Variants in COL21A1 observed in about 807,000 individuals in gnomAD.
COL21A1 encodes the protein collagen type XXI alpha 1 chain, also known as collagen alpha-1(XXI) chain.
A neutral mutation model predicts 137.9 loss-of-function variants in COL21A1; 149 were observed. That is an observed-to-expected ratio of 1.08 (90% CI 0.95 to 1.24). COL21A1 has a LOEUF of 1.24. COL21A1 is among the 50% of genes most tolerant of loss of function. COL21A1 has a pLI of 0.00. For missense variants in COL21A1, 1,167 were observed against 1,158.4 expected, an observed-to-expected ratio of 1.01 and a Z score of -0.11; for synonymous variants, 456 against 391.5, an observed-to-expected ratio of 1.16 and a Z score of -1.95.
intron 16 of COL21A1, among the ~76,000 whole-genome samples, chr6:56,118,438 A>G (rs1201333447): frequency 6.6e-6 from 1 of 152,080 alleles, no homozygotes; most frequent in Non-Finnish European, 1.5e-5. Context: ...AAACTGTCAT[A>G]AAAAGTCTTC....
rs560293663 is a variant in COL21A1 at position 56,061,607 on chromosome 6, G to C, written c.2205+42C>G. ...TATTGAAACCCAAGCAAAAAGGACC[G>C]AAGAAAGAGAGCAAGAGAGCATAAT... On this transcript the variant is annotated intron_variant, in intron 25 of 29. Transcript: ENST00000244728. The C allele has an allele frequency of 4.8e-6, 7 of 1,461,356 alleles. No homozygotes were observed. The South Asian group carries it at 8.6e-5, about 18-fold the overall frequency. The allele number at this position is 1,461,356 out of a possible 1,614,324, so 90.5% of individuals were successfully genotyped here.
intron 1 of COL21A1, among the ~76,000 whole-genome samples, chr6:56,237,671 T>A (rs1781996103): frequency 6.6e-6 from 1 of 152,120 alleles, no homozygotes. Flanking sequence ...ATGTCATAAG[T>A]CTGGCCAAAA....
At chr6:56,164,935 A>T in intron 7 of COL21A1, 113 bp from the exon 8 acceptor site, 2 of 753,268 alleles carry the variant, frequency 2.7e-6, no homozygotes, top group South Asian at 4.7e-5. Context: ...AAGTATGAAA[A>T]CCAACAAAAA....
intron 1 of COL21A1, among the ~76,000 whole-genome samples, chr6:56,325,913 T>G (rs1582784117): frequency 1.9e-5 from 1 of 52,630 alleles, no homozygotes; most frequent in African/African-American, 1.1e-4. Context: ...TTACATAATA[T>G]ATATTATATA....
intron 12 of COL21A1, among the ~76,000 whole-genome samples, chr6:56,139,483 A>G (rs1774252458): frequency 7.9e-6 from 1 of 127,388 alleles, no homozygotes; most frequent in South Asian, 2.8e-4. Context: ...ACACTTGTGC[A>G]CACACACTTG....
At chr6:56,264,603 C>G (rs1299208016) in intron 1 of COL21A1, among the ~76,000 whole-genome samples, 2 of 152,136 alleles carry the variant, frequency 1.3e-5, no homozygotes, top group Non-Finnish European at 2.9e-5. Context: ...AGTTGGGACC[C>G]ATTTAACTAA....
chr6:56,151,608 G>C (rs1775326047), intron 10 of COL21A1, among the ~76,000 whole-genome samples: 1 of 152,168 alleles, frequency 6.6e-6, no homozygotes, highest in Non-Finnish European at 1.5e-5. Flanking sequence ...CTCCAGAGTG[G>C]AATAATTTCC....
Position 56,347,252 on chromosome 6 carries a change from C to T in COL21A1, c.-39+46719G>A, listed in dbSNP as rs554133369. Among the ~76,000 whole-genome samples the T allele has an allele frequency of 3.9e-5, 6 of 152,146 alleles. No homozygotes were observed. The East Asian group carries it at 9.7e-4, about 25-fold the overall frequency. On this transcript the variant is annotated intron_variant, in intron 1 of 28. Coordinates refer to the COL21A1 transcript ENST00000370819. ...TGGCTTGGGAGTCTCCTGTGAAACACCTGAGAAGCCATGCCTAAGACCCAC... is the reference window on the plus strand; with the variant it reads ...TGGCTTGGGAGTCTCCTGTGAAACATCTGAGAAGCCATGCCTAAGACCCAC...
chr6:56,328,287 C>T (rs1765142750), intron 1 of COL21A1, among the ~76,000 whole-genome samples: 1 of 151,962 alleles, frequency 6.6e-6, no homozygotes, highest in African/African-American at 2.4e-5. Flanking sequence ...ATAGTCTGTC[C>T]TATCTCAAAT....
intron 1 of COL21A1, among the ~76,000 whole-genome samples, chr6:56,240,511 CT>C (rs1481025010): frequency 6.6e-6 from 1 of 152,178 alleles, no homozygotes; most frequent in Non-Finnish European, 1.5e-5. Context: ...CAATAGGAAT[CT>C]TAGGAATAAA....
rs1026573559 is a variant in COL21A1 at position 56,170,924 on chromosome 6, C to T, written c.809+36G>A. The T allele has an allele frequency of 1.9e-6, 3 of 1,589,332 alleles. No homozygotes were observed. In the African/African-American group the frequency reaches 4.1e-5, roughly 22 times the overall value. On this transcript the variant is annotated intron_variant, in intron 4 of 29. Transcript: ENST00000244728. ...ATTCTTGACATGTCCACAGACATAT[C>T]CCCCCAAAAAAGTTGTGTCAACATA...
intron 1 of COL21A1, among the ~76,000 whole-genome samples, chr6:56,255,244 A>G (rs1268008240): frequency 3.3e-5 from 5 of 152,060 alleles, no homozygotes; most frequent in Admixed American, 3.3e-4. Flanking sequence ...AATGGAATAA[A>G]TGGTCTTCTA....
chr6:56,126,209 C>G, intron 12 of COL21A1, 60 bp from the exon 13 acceptor site: 1 of 1,086,364 alleles, frequency 9.2e-7, no homozygotes, highest in Admixed American at 2.1e-5. Context: ...ACAATATCAT[C>G]ATCTATTCTT....
intron 16 of COL21A1, among the ~76,000 whole-genome samples, chr6:56,113,527 C>T (rs1249218794): frequency 3.3e-5 from 5 of 152,178 alleles, no homozygotes; most frequent in African/African-American, 4.8e-5. Flanking sequence ...CACCTGTTAA[C>T]TGAAGAGCCC....
At chr6:56,058,504 C>T (rs1345751505) in intron 29 of COL21A1, among the ~76,000 whole-genome samples, 1 of 152,144 alleles carries the variant, frequency 6.6e-6, no homozygotes, top group Non-Finnish European at 1.5e-5. Context: ...GTTTGGGCCA[C>T]TTCTTACTCC....
intron 17 of COL21A1, 33 bp downstream of exon 17, chr6:56,101,439 C>T: frequency 6.6e-7 from 1 of 1,513,442 alleles, no homozygotes; most frequent in Non-Finnish European, 9.1e-7. Flanking sequence ...AAAAGAACTT[C>T]ATCTTTTAGA....
chr6:56,088,506 C>A (rs939686619), intron 17 of COL21A1, among the ~76,000 whole-genome samples: 1 of 152,156 alleles, frequency 6.6e-6, no homozygotes, highest in African/African-American at 2.4e-5. Context: ...GTTTTTGCAC[C>A]TGCCAGCATA....
In COL21A1 at chr6:56,143,504, A is replaced by C. The variant is rs1582471144; in HGVS notation, c.1435-1521T>G. 3.9e-5 allele frequency among the ~76,000 whole-genome samples: 6 copies of C among 152,174 alleles called. 1 individual carries two copies. The highest frequency in any genetic ancestry group is 3.9e-4 in the Admixed American group (6 of 15,274). On this transcript the variant is annotated intron_variant, in intron 10 of 29. Coordinates refer to ENST00000244728, the MANE Select transcript of COL21A1 (RefSeq NM_030820.4). ...CGTGAGCCACTGCACCCGGCCGACT[A>C]TACAATTTTTTATCACCAACCATCA... is the stretch of plus-strand genomic sequence containing the variant.
chr6:56,275,760 A>C (rs1185690642), intron 1 of COL21A1, among the ~76,000 whole-genome samples: 1 of 152,226 alleles, frequency 6.6e-6, no homozygotes, highest in African/African-American at 2.4e-5. Context: ...GGGCATGCTT[A>C]TACACTGTTG....
Sources: gnomAD v4.1 joint callset for allele counts (sites outside exome capture counted in the v4.1 genomes callset) on GRCh38, gnomAD v4.1.1 for gene constraint, MANE v1.5 for transcripts, NCBI Gene and HGNC (gene_info 2026-07-23, HGNC 2026-07-21) for gene names.